PKD2: variants seen among roughly 807,000 people sequenced by gnomAD.
PKD2 encodes the protein polycystin-2.
A neutral mutation model predicts 105.9 loss-of-function variants in PKD2; 48 were observed. That is an observed-to-expected ratio of 0.45 (90% CI 0.36 to 0.58). The LOEUF (loss-of-function observed/expected upper bound fraction) is 0.58. PKD2 is among the 20% of genes least tolerant of loss of function. PKD2 has a pLI of 0.00. For missense variants in PKD2, 1,078 were observed against 1,255.3 expected, an observed-to-expected ratio of 0.86 and a Z score of 2.13; for synonymous variants, 464 against 481.1, an observed-to-expected ratio of 0.96 and a Z score of 0.46.
chr4:88,025,222 C>G (rs1177283009), intron 2 of PKD2, among the ~76,000 whole-genome samples: 1 of 151,944 alleles, frequency 6.6e-6, no homozygotes, highest in Admixed American at 6.6e-5. Flanking sequence ...CTCTAGGAAG[C>G]CAAGGTGAGA....
Position 88,043,302 on chromosome 4 carries a change from A to G in PKD2, c.1164A>G (p.Gly388=), listed in dbSNP as rs1233460034. ...GGGGAATCATTGCAACTTATAGTGG[A>G]GCTGGCTATTATCTGGATTTGTCAA... ...SHWGIIATYS[G]AGYYLDLSRT... is the part of the protein sequence containing the mutation. The change falls in exon 5 of 15, where the codon GGA becomes GGG. Residue 388 remains glycine, a synonymous_variant. Coordinates refer to ENST00000237596, the MANE Select transcript of PKD2 (RefSeq NM_000297.4). 1 of 1,613,648 alleles carries G rather than the reference A, an allele frequency of 6.2e-7. No individual in the cohort carries two copies. Among genetic ancestry groups the G allele is most frequent in the Non-Finnish European group, 8.5e-7 (1 of 1,179,586 alleles).
At position 88,076,181 on chromosome 4, in the gene PKD2, A is replaced by G. The variant is rs1212178726; in HGVS notation, c.*487A>G. 1.2e-5 allele frequency: 2 copies of G among 160,204 alleles called. No homozygotes were observed. The highest frequency in any genetic ancestry group is 1.8e-4 in the East Asian group (1 of 5,448). 9.9% of individuals were successfully genotyped at this position (160,204 alleles called of 1,614,324 possible). ...AAGAAAGGAGCCTTTTTTTTCAACT[A>G]GCTTCCTGGGGTAAACTTTTCTAAA... On this transcript the variant is annotated 3_prime_UTR_variant, in exon 15 of 15. Coordinates refer to ENST00000237596, the MANE Select transcript of PKD2 (RefSeq NM_000297.4).
At position 88,062,009 on chromosome 4, in the gene PKD2, GA is replaced by G. The variant is rs756472871; in HGVS notation, c.2118+10del. 4.7e-5 allele frequency: 64 copies of G among 1,373,666 alleles called. No individual in the cohort carries two copies. The highest frequency in any genetic ancestry group is 5.9e-5 in the Non-Finnish European group (57 of 961,866). The allele number at this position is 1,373,666 out of a possible 1,614,324, so 85.1% of individuals were successfully genotyped here. On this transcript the variant is annotated splice_donor_region_variant and intron_variant, in intron 10 of 14. Coordinates refer to ENST00000237596, the MANE Select transcript of PKD2 (RefSeq NM_000297.4). ...CTCTCAGATCTTATCAGAAAGGTAG[GA>G]AAAACCTTAATTCTCAGAATTCTTC... is the stretch of plus-strand genomic sequence containing the variant.
intron 12 of PKD2, among the ~76,000 whole-genome samples, 172 bp downstream of exon 12, chr4:88,066,051 T>C (rs774388085): frequency 5.3e-5 from 8 of 152,226 alleles, no homozygotes; most frequent in Non-Finnish European, 1.2e-4. Flanking sequence ...AAAGAATATA[T>C]AACACAATTA....
intron 5 of PKD2, 53 bp from the exon 6 acceptor site, chr4:88,046,589 T>C: frequency 9.6e-7 from 1 of 1,041,014 alleles, no homozygotes; most frequent in Middle Eastern, 2.1e-4. Context: ...CATTCCTGGC[T>C]GTATTCATGT....
In PKD2 at chr4:88,031,301, C is replaced by G. The variant is rs188058961; in HGVS notation, c.710-4919C>G. Among the ~76,000 whole-genome samples, 226 of 152,320 alleles carry G rather than the reference C, an allele frequency of 1.5e-3. 1 individual carries two copies. The highest frequency in any genetic ancestry group is 0.01 in the Middle Eastern group (3 of 294). On this transcript the variant is annotated intron_variant, in intron 2 of 14. Coordinates refer to ENST00000237596, the MANE Select transcript of PKD2 (RefSeq NM_000297.4). Reference sequence around the variant, plus strand: ...ATGCATTTTCAACTTATGATATTTTCAATTTACAATGAGTTTATCAGGATG... The same window carrying G: ...ATGCATTTTCAACTTATGATATTTTGAATTTACAATGAGTTTATCAGGATG...
rs199528409 is a variant in PKD2 at position 88,074,805 on chromosome 4, C to T, written c.2523-7C>T. On this transcript the variant is annotated splice_region_variant and splice_polypyrimidine_tract_variant and intron_variant, in intron 13 of 14. Coordinates refer to ENST00000237596, the MANE Select transcript of PKD2 (RefSeq NM_000297.4). Reference sequence around the variant, plus strand: ...CTTTGTCCCTCTGTACTGTGTTTTCCTTGCAGCCTGGTGAGACGAGTGGAC... The same window carrying T: ...CTTTGTCCCTCTGTACTGTGTTTTCTTTGCAGCCTGGTGAGACGAGTGGAC... 242 of 1,613,874 alleles carry T rather than the reference C, an allele frequency of 1.5e-4. No individual in the cohort carries two copies. The Admixed American group carries it at 3.9e-3, about 26-fold the overall frequency.
chr4:88,058,732 G>A (rs1051465786), intron 9 of PKD2, among the ~76,000 whole-genome samples: 1 of 152,038 alleles, frequency 6.6e-6, no homozygotes, highest in Non-Finnish European at 1.5e-5. Context: ...ACAATGAATG[G>A]AAATTGCATT....
At chr4:88,044,279 A>G (rs1053206064) in intron 5 of PKD2, among the ~76,000 whole-genome samples, 8 of 152,240 alleles carry the variant, frequency 5.3e-5, no homozygotes, top group Non-Finnish European at 8.8e-5. Context: ...AGCAAGAGGA[A>G]GTCAGAGTTC....
At chr4:88,016,891 G>A (rs573919475) in intron 1 of PKD2, among the ~76,000 whole-genome samples, 13 of 151,966 alleles carry the variant, frequency 8.6e-5, no homozygotes, top group East Asian at 1.9e-4. Context: ...GTTTGAGCCC[G>A]GGTGGTCAAG....
At chr4:88,051,806 A>C (rs930768993) in intron 6 of PKD2, among the ~76,000 whole-genome samples, 185 bp from the exon 7 acceptor site, 4 of 152,188 alleles carry the variant, frequency 2.6e-5, no homozygotes, top group African/African-American at 7.2e-5. Flanking sequence ...ATACTGTTTT[A>C]CTTATTTTAT....
At chr4:88,047,934 ATTT>A (rs1223059016) in intron 6 of PKD2, among the ~76,000 whole-genome samples, 3 of 152,146 alleles carry the variant, frequency 2.0e-5, no homozygotes, top group Non-Finnish European at 4.4e-5. Context: ...AACTTCTAAG[ATTT>A]TTTTCAAGAT....
chr4:88,065,592 AC>A, intron 11 of PKD2, 97 bp downstream of exon 11: 5 of 1,233,794 alleles, frequency 4.1e-6, no homozygotes, highest in Non-Finnish European at 5.8e-6. Context: ...TCATACAGAT[AC>A]TTTTTTTTTT....
At chr4:88,050,230 T>C (rs1392547815) in intron 6 of PKD2, among the ~76,000 whole-genome samples, 1 of 152,054 alleles carries the variant, frequency 6.6e-6, no homozygotes, top group Non-Finnish European at 1.5e-5. Flanking sequence ...CACCTCAGCC[T>C]CCCAAAGTGC....
At chr4:88,011,786 A>G (rs1726388527) in intron 1 of PKD2, among the ~76,000 whole-genome samples, 1 of 150,866 alleles carries the variant, frequency 6.6e-6, no homozygotes, top group South Asian at 2.1e-4. Flanking sequence ...GTTGCTGTTC[A>G]TGATAGTCTA....
chr4:88,008,094 G>C lies in PKD2; in HGVS notation c.361G>C (p.Gly121Arg). ...VVEMDVEWRP[G>R]SRRSAASSAV... ...GGAGATGGACGTAGAGTGGCGCCCGGGCAGCCGGAGGTCGGCCGCCTCCTC... is the reference window on the plus strand; with the variant it reads ...GGAGATGGACGTAGAGTGGCGCCCGCGCAGCCGGAGGTCGGCCGCCTCCTC... Residue 121 changes from glycine to arginine, a missense_variant, in exon 1 of 15, where the codon GGC becomes CGC. Gly to Arg is a moderately radical substitution (Grantham distance 125). Around this residue, in one of 2 missense-constraint regions of PKD2, gnomAD observed 210 missense variants for 187.9 expected, o/e 1.12. Coordinates refer to ENST00000237596, the MANE Select transcript of PKD2 (RefSeq NM_000297.4). 1 of 1,517,140 alleles carries C rather than the reference G, an allele frequency of 6.6e-7. No homozygotes were observed. The highest frequency in any genetic ancestry group is 8.8e-7 in the Non-Finnish European group (1 of 1,137,768). The allele number at this position is 1,517,140 out of a possible 1,614,324, so 94.0% of individuals were successfully genotyped here.
In PKD2 at chr4:88,035,641, G is replaced by A. The variant is rs187713331; in HGVS notation, c.710-579G>A. ...TGAGGGAATGGAGAATAGGGGTGGG[G>A]TAACAAACTCTGACCTCGGTATCCC... On this transcript the variant is annotated intron_variant, in intron 2 of 14. Transcript: ENST00000237596. 2.2e-4 allele frequency among the ~76,000 whole-genome samples: 33 copies of A among 152,282 alleles called. No individual in the cohort carries two copies. In the East Asian group the frequency reaches 5.6e-3, roughly 26 times the overall value.
At chr4:88,072,522 A>C (rs1329754778) in intron 13 of PKD2, among the ~76,000 whole-genome samples, 4 of 152,214 alleles carry the variant, frequency 2.6e-5, no homozygotes, top group African/African-American at 9.6e-5. Context: ...CCCCATGAGC[A>C]AAACTGCTAC....
intron 13 of PKD2, 43 bp from the exon 14 acceptor site, chr4:88,074,769 A>G: frequency 6.2e-7 from 1 of 1,611,822 alleles, no homozygotes; most frequent in Non-Finnish European, 8.5e-7. Flanking sequence ...CTGAAAAGAC[A>G]ATGACAAGCA....
Sources: allele counts gnomAD v4.1 joint callset (sites outside exome capture counted in the v4.1 genomes callset), GRCh38; gene constraint gnomAD v4.1.1; regional missense constraint gnomAD v4.1.1; transcripts MANE v1.5; gene names NCBI Gene and HGNC (gene_info 2026-07-23, HGNC 2026-07-21).